BEST3: variants seen among roughly 807,000 people sequenced by gnomAD.
BEST3 encodes the protein bestrophin-3.
In BEST3, 50 loss-of-function variants were observed where a neutral mutation model predicts 47.1. The observed-to-expected ratio is 1.06, with a 90% CI of 0.85 to 1.34. The LOEUF is 1.34. Ranked by LOEUF, BEST3 falls within the 40% of genes most tolerant of loss-of-function variation. The pLI, the probability that BEST3 is intolerant of heterozygous loss-of-function variation, is 0.00. For missense variants in BEST3, 765 were observed against 817.0 expected (o/e 0.94, Z 0.78); for synonymous variants, 282 against 298.8 (o/e 0.94, Z 0.58).
At chr12:69,685,859 G>C (rs187249382) in intron 4 of BEST3, among the ~76,000 whole-genome samples, 146 of 152,226 alleles carry the variant, frequency 9.6e-4, no homozygotes, top group African/African-American at 3.4e-3. Context: ...ACAGAAATGT[G>C]GGGGGAACCT....
chr12:69,691,014 C>T (rs1036285648), intron 4 of BEST3, among the ~76,000 whole-genome samples: 3 of 151,426 alleles, frequency 2.0e-5, no homozygotes, highest in Non-Finnish European at 4.4e-5. Context: ...TCTCACTCTG[C>T]GTCTCTAACA....
At chr12:69,662,533 T>C (rs1044194301) in intron 9 of BEST3, among the ~76,000 whole-genome samples, 8 of 152,166 alleles carry the variant, frequency 5.3e-5, no homozygotes, top group Non-Finnish European at 1.2e-4. Flanking sequence ...ATTAAGTACA[T>C]TTGCATGTTT....
chr12:69,665,826 T>G (rs769724039), intron 9 of BEST3, among the ~76,000 whole-genome samples: 5 of 151,922 alleles, frequency 3.3e-5, no homozygotes, highest in Admixed American at 2.0e-4. Flanking sequence ...ATTATATGCG[T>G]TTTGGGTTTG....
chr12:69,663,132 T>G (rs1009994862), intron 9 of BEST3, among the ~76,000 whole-genome samples: 1 of 152,202 alleles, frequency 6.6e-6, no homozygotes, highest in African/African-American at 2.4e-5. Flanking sequence ...TTCCTCAGAG[T>G]CTTAAACATT....
intron 2 of BEST3, among the ~76,000 whole-genome samples, chr12:69,695,742 G>A (rs1303799211): frequency 6.6e-6 from 1 of 152,110 alleles, no homozygotes; most frequent in Non-Finnish European, 1.5e-5. Flanking sequence ...CTGAGTCTCA[G>A]TTTTCTCATC....
intron 2 of BEST3, 66 bp downstream of exon 2, chr12:69,697,581 G>T (rs148377771): frequency 2.4e-5 from 32 of 1,335,772 alleles, no homozygotes; most frequent in South Asian, 3.3e-5. Flanking sequence ...AAAAGGTTCA[G>T]ATTTTTGAGA....
chr12:69,685,659 A>T (rs936378227), intron 4 of BEST3, among the ~76,000 whole-genome samples: 1 of 152,136 alleles, frequency 6.6e-6, no homozygotes, highest in Non-Finnish European at 1.5e-5. Context: ...TGGGTCAAAC[A>T]TCCTGCAGTG....
rs1886074566 is a variant in BEST3 at position 69,694,861 on chromosome 12, G to A, written c.153-397C>T. On this transcript the variant is annotated intron_variant, in intron 2 of 9. Transcript: ENST00000330891. ...TATGAATTAGCATTATTAAGTAATTGTTAAATAATAACACTGAATTTGACA... is the reference window on the plus strand; with the variant it reads ...TATGAATTAGCATTATTAAGTAATTATTAAATAATAACACTGAATTTGACA... 2.6e-5 allele frequency among the ~76,000 whole-genome samples: 4 copies of A among 152,230 alleles called. No individual in the cohort carries two copies. In the South Asian group the frequency reaches 6.2e-4, roughly 24 times the overall value.
chr12:69,694,530 C>A lies in BEST3; in HGVS notation c.153-66G>T, dbSNP rs566638138. 4.1e-6 allele frequency: 3 copies of A among 730,276 alleles called. No individual in the cohort carries two copies. In the East Asian group the frequency reaches 9.4e-5, roughly 23 times the overall value. The allele number at this position is 730,276 out of a possible 1,614,324, so 45.2% of individuals were successfully genotyped here. On this transcript the variant is annotated intron_variant, in intron 2 of 9. Transcript: ENST00000330891. ...ACTTCTGCACCTGCTTTGCAAGTGA[C>A]ATTAAGTGCAAACAATTAAGCACAA...
intron 9 of BEST3, among the ~76,000 whole-genome samples, chr12:69,647,088 G>T (rs1211270791): frequency 2.6e-5 from 4 of 152,218 alleles, no homozygotes; most frequent in Non-Finnish European, 5.9e-5. Flanking sequence ...GACTTAGACT[G>T]TAGGTCCAGA....
chr12:69,643,689 CT>C, exon 10 of BEST3: 1 of 688,408 alleles, frequency 1.5e-6, no homozygotes, highest in Non-Finnish European at 2.7e-6. Context: ...AGTGTTGTAC[CT>C]TTAACCACCA....
At chr12:69,691,487 A>G (rs565424124) in intron 4 of BEST3, among the ~76,000 whole-genome samples, 1 of 152,294 alleles carries the variant, frequency 6.6e-6, no homozygotes, top group South Asian at 2.1e-4. Flanking sequence ...AACAGAGTCA[A>G]GAAGCCACCA....
rs748231464 is a variant in BEST3, at chr12:69,693,734, G to T, written c.421C>A (p.Arg141Ser). 19 of 1,614,054 alleles carry T rather than the reference G, an allele frequency of 1.2e-5. No homozygotes were observed. Among genetic ancestry groups the T allele is most frequent in the Non-Finnish European group, 1.5e-5 (18 of 1,180,036 alleles). ...YVNLTSLLIF[R>S]SVSTAVYKRF... The stretch of plus-strand genomic sequence containing the variant: ...TTGTACACAGCAGTGCTCACCGAGC[G>T]AAAGATGAGCAGGGAGGTGAGATTG... The change falls in exon 4 of 10, where the codon CGC becomes AGC. Residue 141 changes from arginine to serine, a missense_variant. Arg to Ser is a moderately radical substitution (Grantham distance 110). Transcript: ENST00000330891.
At chr12:69,682,721 C>T (rs547531967) in intron 4 of BEST3, among the ~76,000 whole-genome samples, 87 of 152,134 alleles carry the variant, frequency 5.7e-4, no homozygotes, top group African/African-American at 1.1e-3. Context: ...GGTCTACTGG[C>T]GCATGCCACT....
chr12:69,650,731 T>C (rs1284203432), downstream of BEST3, among the ~76,000 whole-genome samples: 1 of 152,162 alleles, frequency 6.6e-6, no homozygotes, highest in Non-Finnish European at 1.5e-5. Context: ...TCCAGTTCCA[T>C]GTTTTGATTG....
chr12:69,669,279 C>T (rs866839469), intron 9 of BEST3, among the ~76,000 whole-genome samples: 9 of 152,096 alleles, frequency 5.9e-5, no homozygotes, highest in Admixed American at 2.6e-4. Flanking sequence ...CTTTAATGGT[C>T]CTCATTTATA....
intron 9 of BEST3, chr12:69,670,687 C>T (rs1465068392): frequency 3.7e-6 from 2 of 545,892 alleles, no homozygotes; most frequent in African/African-American, 1.8e-5. Context: ...TACAGCAGGC[C>T]TCAGGGAACT....
downstream of BEST3, among the ~76,000 whole-genome samples, chr12:69,650,743 G>A (rs1218137210): frequency 1.3e-5 from 2 of 152,184 alleles, no homozygotes; most frequent in Admixed American, 1.3e-4. Flanking sequence ...TTTTGATTGA[G>A]GGGATGGAGA....
At chr12:69,682,712 G>A (rs12817322) in intron 4 of BEST3, among the ~76,000 whole-genome samples, 17,605 of 152,114 alleles carry the variant, frequency 0.12, 1,325 homozygotes, top group Non-Finnish European at 0.18. Context: ...GAGTAGCTGG[G>A]TCTACTGGCG....
Sources: gnomAD v4.1 joint callset for allele counts (sites outside exome capture counted in the v4.1 genomes callset) on GRCh38, gnomAD v4.1.1 for gene constraint, MANE v1.5 for transcripts, NCBI Gene and HGNC (gene_info 2026-07-23, HGNC 2026-07-21) for gene names.